The following SSH1 variants were observed in gnomAD, a reference collection of about 807,000 sequenced individuals.
SSH1 encodes the protein slingshot protein phosphatase 1.
SSH1 carries 43 observed loss-of-function variants against 79.7 expected under a neutral mutation model. The ratio of observed to expected loss-of-function variants is 0.54; its 90% CI spans 0.42 to 0.70. The LOEUF is 0.70. Ranked by LOEUF, SSH1 falls within the 30% of genes least tolerant of loss-of-function variation. The pLI is 0.00. For synonymous variants in SSH1, 599 were observed against 538.3 expected (o/e 1.11, Z -1.56); for missense variants, 1,206 against 1,358.8 (o/e 0.89, Z 1.77).
intron 1 of SSH1, 26 bp from the exon 2 acceptor site, chr12:108,852,704 C>A (rs760325985): frequency 6.2e-7 from 1 of 1,613,966 alleles, no homozygotes; most frequent in Non-Finnish European, 8.5e-7. Flanking sequence ...GAGAATATCA[C>A]ACCACAGGCA....
intron 2 of SSH1, chr12:108,836,877 A>G (rs774352854): frequency 1.9e-6 from 1 of 530,488 alleles, no homozygotes; most frequent in East Asian, 5.5e-5. Flanking sequence ...ATCACACAAG[A>G]ACATCAGACA....
intron 10 of SSH1, 77 bp from the exon 11 acceptor site, chr12:108,802,445 C>T: frequency 7.1e-7 from 1 of 1,412,020 alleles, no homozygotes; most frequent in Non-Finnish European, 1.0e-6. Context: ...CATGGTTTGC[C>T]CTAGCTCTGG....
chr12:108,780,397 G>A lies in SSH1; in HGVS notation c.*7591C>T, dbSNP rs2136924951. The stretch of plus-strand genomic sequence containing the variant: ...TACAGGAATATTGTCCTAGGGCCTT[G>A]AACAAATAAGTATCGGATGAGTTTT... On this transcript the variant is annotated 3_prime_UTR_variant, in exon 15 of 15. Coordinates refer to ENST00000326495, the MANE Select transcript of SSH1 (RefSeq NM_018984.4). 6.6e-6 allele frequency: 1 copy of A among 152,350 alleles called. No individual in the cohort carries two copies. The highest frequency in any genetic ancestry group is 2.1e-4 in the South Asian group (1 of 4,830). The allele number at this position is 152,350 out of a possible 1,614,324, so 9.4% of individuals were successfully genotyped here.
At chr12:108,820,686 C>T (rs1393763924) in intron 3 of SSH1, among the ~76,000 whole-genome samples, 2 of 152,328 alleles carry the variant, frequency 1.3e-5, no homozygotes, top group East Asian at 3.9e-4. Flanking sequence ...ACAAACTGAA[C>T]TACTTTTCCA....
intron 7 of SSH1, among the ~76,000 whole-genome samples, chr12:108,808,818 CTTCTT>C (rs2037419287): frequency 3.2e-5 from 4 of 123,786 alleles, no homozygotes; most frequent in African/African-American, 5.9e-5. Context: ...CCCTCTTTTA[CTTCTT>C]TTTTTTTTTT....
At chr12:108,800,540 T>TA (rs2036945475) in intron 12 of SSH1, among the ~76,000 whole-genome samples, 1 of 151,442 alleles carries the variant, frequency 6.6e-6, no homozygotes, top group African/African-American at 2.4e-5. Context: ...CTAAGCTCAA[T>TA]AGGGACTCTA....
At chr12:108,848,093 G>A (rs12579145) in intron 2 of SSH1, among the ~76,000 whole-genome samples, 12,299 of 152,170 alleles carry the variant, frequency 0.081, 1,117 homozygotes, top group East Asian at 0.33. Flanking sequence ...CACCAACGCC[G>A]GTGACGCTGG....
At chr12:108,794,710 A>G (rs2036667312) in intron 13 of SSH1, among the ~76,000 whole-genome samples, 1 of 152,190 alleles carries the variant, frequency 6.6e-6, no homozygotes, top group Non-Finnish European at 1.5e-5. Flanking sequence ...TGATTCCTAA[A>G]TAAGATGGCT....
intron 2 of SSH1, among the ~76,000 whole-genome samples, chr12:108,836,486 T>G (rs1049108827): frequency 1.3e-5 from 2 of 152,132 alleles, no homozygotes; most frequent in African/African-American, 4.8e-5. Context: ...TGTGGACATG[T>G]CAAAGGGACA....
chr12:108,836,293 C>T (rs1409681912), intron 2 of SSH1, among the ~76,000 whole-genome samples: 1 of 151,866 alleles, frequency 6.6e-6, no homozygotes, highest in African/African-American at 2.4e-5. Flanking sequence ...ACAAATGTTC[C>T]CTAATTCTGC....
chr12:108,804,803 C>T (rs778227516), intron 10 of SSH1, among the ~76,000 whole-genome samples: 53 of 152,170 alleles, frequency 3.5e-4, no homozygotes, highest in African/African-American at 1.1e-3. Context: ...CAGTTGACTA[C>T]GCCAAATAGC....
intron 10 of SSH1, among the ~76,000 whole-genome samples, chr12:108,803,168 A>T (rs1227403868): frequency 6.6e-6 from 1 of 152,240 alleles, no homozygotes; most frequent in Non-Finnish European, 1.5e-5. Context: ...CCAAAAAAAC[A>T]GAAGATGGGA....
At chr12:108,808,615 G>A (rs752984400) in intron 7 of SSH1, among the ~76,000 whole-genome samples, 4 of 152,080 alleles carry the variant, frequency 2.6e-5, no homozygotes, top group Non-Finnish European at 5.9e-5. Flanking sequence ...TCTTTAATAT[G>A]CAACAGAGAC....
rs1022268714 is a variant in SSH1, at chr12:108,807,365, G to A, written c.731+268C>T. ...GGGCCACACATTCCTTTGAGAGTCTGATGGGAGTTACGGACCCCGTCCCCA... is the reference window on the plus strand; with the variant it reads ...GGGCCACACATTCCTTTGAGAGTCTAATGGGAGTTACGGACCCCGTCCCCA... On this transcript the variant is annotated intron_variant, in intron 8 of 14. Coordinates refer to ENST00000326495, the MANE Select transcript of SSH1 (RefSeq NM_018984.4). The surrounding 1 kb of genome is among the most constrained non-coding windows in gnomAD (Gnocchi z 5.2). 7.9e-5 allele frequency among the ~76,000 whole-genome samples: 12 copies of A among 151,992 alleles called. No homozygotes were observed. The highest frequency in any genetic ancestry group is 1.6e-4 in the Non-Finnish European group (11 of 68,016).
rs533801111 is a variant in SSH1, at chr12:108,852,642, G to A, written c.106C>T (p.Leu36Phe). The A allele has an allele frequency of 3.7e-6, 6 of 1,614,106 alleles. No homozygotes were observed. Among genetic ancestry groups the A allele is most frequent in the South Asian group, 3.3e-5 (3 of 91,090 alleles). ...AGSEEDRKLN[L>F]SLSESFFMVK... The stretch of plus-strand genomic sequence containing the variant: ...AAGAATTGAAAGTCTGCTTACCTGA[G>A]GTTTAATTTTCGATCTTCTTCGCTG... The change falls in exon 2 of 15, where the codon CTC becomes TTC. Residue 36 changes from leucine to phenylalanine, a missense_variant. Leu to Phe is a conservative substitution (Grantham distance 22, BLOSUM62 0). This residue lies in a region of SSH1 where 100 missense variants were observed against 82.3 expected (regional missense o/e 1.21). Transcript: ENST00000326495.
At position 108,788,470 on chromosome 12, in the gene SSH1, A is replaced by G. The variant is rs375305393; in HGVS notation, c.2668T>C (p.Leu890=). 69 of 1,559,520 alleles carry G rather than the reference A, an allele frequency of 4.4e-5. No individual in the cohort carries two copies. The East Asian group carries it at 6.1e-4, about 14-fold the overall frequency. ...DEKSEAAPAS[L]EGGSLKSPPP... The stretch of plus-strand genomic sequence containing the variant: ...GGGCTCTTCAGTGAGCCTCCTTCCA[A>G]TGAAGCGGGGGCGGCCTCTGACTTC... Residue 890 remains leucine (L), a synonymous_variant, in exon 15 of 15, where the codon TTG becomes CTG. Coordinates refer to ENST00000326495, the MANE Select transcript of SSH1 (RefSeq NM_018984.4).
intron 2 of SSH1, chr12:108,834,455 CACAT>C (rs2038549683): frequency 6.6e-6 from 1 of 152,288 alleles, no homozygotes; most frequent in South Asian, 2.1e-4. Context: ...TGCTCAAGGT[CACAT>C]ACAGTCGGTC....
intron 2 of SSH1, among the ~76,000 whole-genome samples, chr12:108,832,950 T>C (rs1358514809): frequency 6.6e-6 from 1 of 152,182 alleles, no homozygotes; most frequent in African/African-American, 2.4e-5. Flanking sequence ...AGACAAGGAA[T>C]GCTGGCAGGG....
At position 108,778,782 on chromosome 12, in the gene SSH1, G is replaced by A. The variant is rs2036120881; in HGVS notation, c.*9206C>T. Reference sequence around the variant, plus strand: ...CCACCACCACAATGTACCATTTGTGGGATAATTTGTCTTTTTAAAATCTTT... The same window carrying A: ...CCACCACCACAATGTACCATTTGTGAGATAATTTGTCTTTTTAAAATCTTT... On this transcript the variant is annotated 3_prime_UTR_variant, in exon 15 of 15. Coordinates refer to ENST00000326495, the MANE Select transcript of SSH1 (RefSeq NM_018984.4). 6.5e-6 allele frequency: 1 copy of A among 153,118 alleles called. No individual in the cohort carries two copies. Among genetic ancestry groups the A allele is most frequent in the Non-Finnish European group, 1.5e-5 (1 of 68,194 alleles). 9.5% of individuals were successfully genotyped at this position (153,118 alleles called of 1,614,324 possible).
Sources: gnomAD v4.1 joint callset for allele counts (sites outside exome capture counted in the v4.1 genomes callset) on GRCh38, gnomAD v4.1.1 for gene constraint, gnomAD v4.1.1 regional missense constraint, Gnocchi (gnomAD v3.1) non-coding constraint, MANE v1.5 for transcripts, NCBI Gene and HGNC (gene_info 2026-07-23, HGNC 2026-07-21) for gene names.